The following SHISAL1 variants were observed in gnomAD, a reference collection of about 807,000 sequenced individuals.
The protein encoded by SHISAL1 is protein shisa-like-1.
In SHISAL1, 9 loss-of-function variants were observed where a neutral mutation model predicts 22.6. That is an observed-to-expected ratio of 0.40 (90% CI 0.24 to 0.70). The LOEUF (loss-of-function observed/expected upper bound fraction) is 0.70, where lower values mean the gene tolerates loss of function less well. Ranked by LOEUF, SHISAL1 falls within the 30% of genes least tolerant of loss-of-function variation. The pLI, the probability that SHISAL1 is intolerant of heterozygous loss-of-function variation, is 0.39. For missense variants in SHISAL1, 246 were observed against 270.6 expected, an observed-to-expected ratio of 0.91 and a Z score of 0.64; for synonymous variants, 119 against 115.4, an observed-to-expected ratio of 1.03 and a Z score of -0.20.
upstream of SHISAL1, among the ~76,000 whole-genome samples, chr22:44,315,982 C>T (rs184537347): frequency 5.4e-4 from 82 of 152,238 alleles, 1 homozygote; most frequent in Middle Eastern, 6.8e-3. Flanking sequence ...TGTAAACCGC[C>T]CATATCGATG....
rs1031283654 is a variant in SHISAL1, at chr22:44,246,735, A to G, written c.*2950T>C. 1 of 144,578 alleles carries G rather than the reference A, an allele frequency of 6.9e-6. No homozygotes were observed. Among genetic ancestry groups the G allele is most frequent in the African/African-American group, 2.6e-5 (1 of 38,984 alleles). 9.0% of individuals were successfully genotyped at this position (144,578 alleles called of 1,614,324 possible). A position where few individuals can be genotyped will look rare whatever the true frequency, so the allele number is the denominator to read the frequency against. ...CCTGTCGGCTCCTCTGTGAGACAGCAAGTACCGTGACTAACTGGTACCCTA... is the reference window on the plus strand; with the variant it reads ...CCTGTCGGCTCCTCTGTGAGACAGCGAGTACCGTGACTAACTGGTACCCTA... On this transcript the variant is annotated 3_prime_UTR_variant, in exon 5 of 5. Coordinates refer to ENST00000381176, the MANE Select transcript of SHISAL1 (RefSeq NM_001099294.2).
At chr22:44,254,002 A>AAT (rs1432489720) in intron 4 of SHISAL1, among the ~76,000 whole-genome samples, 2 of 152,218 alleles carry the variant, frequency 1.3e-5, no homozygotes, top group Admixed American at 1.3e-4. Context: ...TGAAAATACT[A>AAT]ATAATGAAAC....
intron 4 of SHISAL1, among the ~76,000 whole-genome samples, chr22:44,259,029 G>A (rs575018618): frequency 7.9e-5 from 12 of 152,132 alleles, no homozygotes; most frequent in Admixed American, 1.3e-4. Flanking sequence ...TGGCTGACTC[G>A]ACCATGAGGC....
chr22:44,284,402 C>T (rs971362412), intron 4 of SHISAL1, among the ~76,000 whole-genome samples: 19 of 152,056 alleles, frequency 1.2e-4, no homozygotes, highest in African/African-American at 3.9e-4. Context: ...ATGGCAGAGC[C>T]GGGACTCAGA....
At chr22:44,289,655 C>G (rs777576084) in intron 3 of SHISAL1, among the ~76,000 whole-genome samples, 13 of 152,318 alleles carry the variant, frequency 8.5e-5, no homozygotes, top group African/African-American at 2.9e-4. Flanking sequence ...AGGTGACCAC[C>G]CTGGAGGTGG....
Position 44,248,197 on chromosome 22 carries a change from GCA to G in SHISAL1, c.*1486_*1487del, listed in dbSNP as rs547434015. On this transcript the variant is annotated 3_prime_UTR_variant, in exon 5 of 5. Coordinates refer to ENST00000381176, the MANE Select transcript of SHISAL1 (RefSeq NM_001099294.2). ...TCTTCCTGCCCCAGCTAGAAAGCTAGCACAGTGAGCAGGGACCTGCCTTGCTC... is the reference window on the plus strand; with the variant it reads ...TCTTCCTGCCCCAGCTAGAAAGCTAGCAGTGAGCAGGGACCTGCCTTGCTC... The G allele has an allele frequency of 1.4e-4, 22 of 152,348 alleles. No homozygotes were observed. The highest frequency in any genetic ancestry group is 5.3e-4 in the African/African-American group (22 of 41,536). The allele number at this position is 152,348 out of a possible 1,614,324, so 9.4% of individuals were successfully genotyped here.
At chr22:44,290,529 C>CAAAAAAAAAAA (rs546640216) in intron 3 of SHISAL1, among the ~76,000 whole-genome samples, 8,490 of 82,478 alleles carry the variant, frequency 0.1, 382 homozygotes, top group Non-Finnish European at 0.15. Flanking sequence ...AACTCAGTCT[C>CAAAAAAAAAAA]AAAAAAAAAA....
upstream of SHISAL1, among the ~76,000 whole-genome samples, chr22:44,315,467 T>G (rs2055552202): frequency 6.6e-6 from 1 of 152,044 alleles, no homozygotes; most frequent in African/African-American, 2.4e-5. Flanking sequence ...CCAATTCCAG[T>G]AGGGAATCGG....
chr22:44,250,603 G>C (rs1407856528), intron 4 of SHISAL1, among the ~76,000 whole-genome samples: 1 of 152,176 alleles, frequency 6.6e-6, no homozygotes, highest in Non-Finnish European at 1.5e-5. Flanking sequence ...TGCAAGCAGG[G>C]GTGGTCACAT....
At chr22:44,270,722 G>T (rs144485359) in intron 4 of SHISAL1, among the ~76,000 whole-genome samples, 2 of 152,146 alleles carry the variant, frequency 1.3e-5, no homozygotes, top group African/African-American at 4.8e-5. Context: ...ACCCAAGGAC[G>T]CTGGGGGCCC....
At chr22:44,301,780 C>T (rs1417060957) in intron 1 of SHISAL1, among the ~76,000 whole-genome samples, 1 of 152,132 alleles carries the variant, frequency 6.6e-6, no homozygotes, top group Non-Finnish European at 1.5e-5. Flanking sequence ...GGGAATTATG[C>T]CTATGAACTA....
intron 2 of SHISAL1, 91 bp from the exon 3 acceptor site, chr22:44,296,976 C>T (rs1487859118): frequency 3.2e-6 from 3 of 950,922 alleles, no homozygotes; most frequent in African/African-American, 3.3e-5. Flanking sequence ...TTCTCAGGTC[C>T]TGCCTGCTTC....
chr22:44,315,079 C>T (rs369036411), upstream of SHISAL1, among the ~76,000 whole-genome samples: 94 of 152,246 alleles, frequency 6.2e-4, no homozygotes, highest in African/African-American at 2.2e-3. Flanking sequence ...GACGTTCCTG[C>T]TCTCAGGCTG....
At chr22:44,266,154 C>G (rs899025565) in intron 4 of SHISAL1, among the ~76,000 whole-genome samples, 1 of 152,220 alleles carries the variant, frequency 6.6e-6, no homozygotes, top group Non-Finnish European at 1.5e-5. Context: ...TCTCCACCCA[C>G]CTCAGTTTAC....
chr22:44,285,439 A>C lies in SHISAL1; in HGVS notation c.588T>G (p.Ser196Arg), dbSNP rs775348887. 1 of 1,614,002 alleles carries C rather than the reference A, an allele frequency of 6.2e-7. No homozygotes were observed. The highest frequency in any genetic ancestry group is 1.7e-5 in the Admixed American group (1 of 60,020). ...TTGTAGCCACTCACCAGGCAGACGA[A>C]CTCTGGAAGGTCATCAGCGGTGGGC... The part of the protein sequence containing the change: ...AHSPPLMTFQ[S>R]SSA The change falls in exon 4 of 5, where the codon AGT (serine) becomes AGG (arginine). Residue 196 changes from serine to arginine, a missense_variant. Ser to Arg is a moderately radical substitution (Grantham distance 110). Around this residue, in one of 2 missense-constraint regions of SHISAL1, gnomAD observed 136 missense variants for 117.5 expected, o/e 1.16. Transcript: ENST00000381176.
chr22:44,262,906 C>A (rs958389298), intron 4 of SHISAL1, among the ~76,000 whole-genome samples: 2 of 152,144 alleles, frequency 1.3e-5, no homozygotes, highest in Non-Finnish European at 2.9e-5. Context: ...GTGACAATAA[C>A]CCTTCCCGCA....
rs149955205 is a variant in SHISAL1 at position 44,279,009 on chromosome 22, C to T, written c.599+6419G>A. 4.9e-3 allele frequency among the ~76,000 whole-genome samples: 753 copies of T among 152,274 alleles called. 9 individuals carry two copies. Among genetic ancestry groups the T allele is most frequent in the African/African-American group, 0.017 (707 of 41,538 alleles). On this transcript the variant is annotated intron_variant, in intron 4 of 4. Transcript: ENST00000381176. ...TCACCATCACTGTCCAGGGCAGGCACTGAGACTAGGGAGGGCCAGCAACTC... is the reference window on the plus strand; with the variant it reads ...TCACCATCACTGTCCAGGGCAGGCATTGAGACTAGGGAGGGCCAGCAACTC...
At chr22:44,326,530 T>C in the SHISAL1 span, among the ~76,000 whole-genome samples, 1 of 152,200 alleles carries the variant, frequency 6.6e-6, no homozygotes, top group Non-Finnish European at 1.5e-5. Flanking sequence ...AAATTTTTTT[T>C]CCCTCCCAGG....
At chr22:44,322,464 G>A in the SHISAL1 span, among the ~76,000 whole-genome samples, 3 of 152,286 alleles carry the variant, frequency 2.0e-5, no homozygotes, top group African/African-American at 2.4e-5. Context: ...CATGAGCTCC[G>A]CCAACTCCAA....
Sources: allele counts gnomAD v4.1 joint callset (sites outside exome capture counted in the v4.1 genomes callset), GRCh38; gene constraint gnomAD v4.1.1; regional missense constraint gnomAD v4.1.1; transcripts MANE v1.5; gene names NCBI Gene and HGNC (gene_info 2026-07-23, HGNC 2026-07-21).